Variants in DOCK8 observed in about 807,000 individuals in gnomAD.
DOCK8 encodes dedicator of cytokinesis 8.
DOCK8 carries 141 observed loss-of-function variants against 245.6 expected under a neutral mutation model. That is an observed-to-expected ratio of 0.57 (90% CI 0.50 to 0.66). The LOEUF (loss-of-function observed/expected upper bound fraction) is 0.66. Ranked by LOEUF, DOCK8 falls within the 30% of genes least tolerant of loss-of-function variation. The pLI, the probability that DOCK8 is intolerant of heterozygous loss-of-function variation, is 0.00. For missense variants in DOCK8, 2,965 were observed against 2,603.4 expected, an observed-to-expected ratio of 1.14 and a Z score of -3.02; for synonymous variants, 1,168 against 970.2, an observed-to-expected ratio of 1.20 and a Z score of -3.79.
chr9:308,900 C>G (rs913458542), intron 5 of DOCK8, among the ~76,000 whole-genome samples: 2 of 152,248 alleles, frequency 1.3e-5, no homozygotes, highest in African/African-American at 2.4e-5. Context: ...CTCATGATCC[C>G]CCGGCCTTGG....
At chr9:246,940 C>A (rs956919784) in intron 1 of DOCK8, among the ~76,000 whole-genome samples, 2 of 151,958 alleles carry the variant, frequency 1.3e-5, no homozygotes, top group African/African-American at 4.8e-5. Context: ...TAAATGAGAT[C>A]ATCTGCAAGT....
At chr9:217,798 G>A (rs1033014771) in intron 1 of DOCK8, among the ~76,000 whole-genome samples, 2 of 152,116 alleles carry the variant, frequency 1.3e-5, no homozygotes, top group African/African-American at 4.8e-5. Context: ...ATGAAGTCTT[G>A]TACAGAAGAG....
intron 2 of DOCK8, among the ~76,000 whole-genome samples, chr9:281,787 C>G (rs1020027143): frequency 3.7e-4 from 56 of 152,274 alleles, no homozygotes; most frequent in African/African-American, 1.3e-3. Flanking sequence ...GCTAGGAGGC[C>G]TAGTTAACAG....
rs1294287451 is a variant in DOCK8, at chr9:451,971, ATATATATTTTTTTT to A, written c.5962-38_5962-25del. On this transcript the variant is annotated intron_variant, in intron 45 of 47. Coordinates refer to ENST00000432829, the MANE Select transcript of DOCK8 (RefSeq NM_203447.4). Reference sequence around the variant, plus strand: ...TGTGTGTGTGTATATATATATATATATATATATTTTTTTTTTTTTTTTTTTTTTTTTCCCACCAG... The same window carrying A: ...TGTGTGTGTGTATATATATATATATATTTTTTTTTTTTTTTTTCCCACCAG... 81 of 401,262 alleles carry A rather than the reference ATATATATTTTTTTT, an allele frequency of 2.0e-4. 1 individual carries two copies. Among genetic ancestry groups the A allele is most frequent in the Admixed American group, 1.2e-3 (23 of 19,958 alleles). The allele number at this position is 401,262 out of a possible 1,614,324, so 24.9% of individuals were successfully genotyped here.
chr9:357,854 T>C (rs2052519313), intron 14 of DOCK8, among the ~76,000 whole-genome samples: 1 of 152,234 alleles, frequency 6.6e-6, no homozygotes, highest in African/African-American at 2.4e-5. Flanking sequence ...TGCTCTGATT[T>C]CTGAAGACAG....
At position 464,548 on chromosome 9, in the gene DOCK8, G is replaced by T; in HGVS notation, c.*329G>T. 1 of 413,338 alleles carries T rather than the reference G, an allele frequency of 2.4e-6. No individual in the cohort carries two copies. Among genetic ancestry groups the T allele is most frequent in the Non-Finnish European group, 4.5e-6 (1 of 223,008 alleles). 25.6% of individuals were successfully genotyped at this position (413,338 alleles called of 1,614,324 possible). A position where few individuals can be genotyped will look rare whatever the true frequency, so the allele number is the denominator to read the frequency against. ...GCCAATCACTGCCCATCTGAGAGATGATTTCCTCTGGCCCATATTTGAATT... is the reference window on the plus strand; with the variant it reads ...GCCAATCACTGCCCATCTGAGAGATTATTTCCTCTGGCCCATATTTGAATT... On this transcript the variant is annotated 3_prime_UTR_variant, in exon 48 of 48. Transcript: ENST00000432829.
intron 1 of DOCK8, among the ~76,000 whole-genome samples, chr9:239,831 A>T (rs1006618555): frequency 6.6e-6 from 1 of 152,208 alleles, no homozygotes; most frequent in Non-Finnish European, 1.5e-5. Flanking sequence ...TATTTAAAAA[A>T]TATCATGAAC....
At chr9:223,783 T>C (rs1587611985) in intron 1 of DOCK8, among the ~76,000 whole-genome samples, 1 of 152,012 alleles carries the variant, frequency 6.6e-6, no homozygotes, top group African/African-American at 2.4e-5. Context: ...TTTTTTTAAT[T>C]AAAAAAGAGA....
At chr9:317,246 G>C in intron 7 of DOCK8, 118 bp downstream of exon 7, 1 of 823,414 alleles carries the variant, frequency 1.2e-6, no homozygotes. Flanking sequence ...ACGTCTAACA[G>C]TGGGCAGCTG....
At chr9:220,760 G>A (rs576319890) in intron 1 of DOCK8, 30 of 358,798 alleles carry the variant, frequency 8.4e-5, no homozygotes, top group East Asian at 2.2e-4. Flanking sequence ...ATGCTCTGTC[G>A]CCCAGGCTGG....
intron 28 of DOCK8, among the ~76,000 whole-genome samples, chr9:411,398 A>T (rs147208810): frequency 0.02 from 2,963 of 148,368 alleles, 102 homozygotes; most frequent in African/African-American, 0.071. Context: ...GGGCAACAAG[A>T]GCAAAACTCC....
In DOCK8 at chr9:428,441, A is replaced by C; in HGVS notation, c.4418A>C (p.Gln1473Pro). The C allele has an allele frequency of 5.6e-6, 9 of 1,614,232 alleles. No individual in the cohort carries two copies. Among genetic ancestry groups the C allele is most frequent in the Non-Finnish European group, 7.6e-6 (9 of 1,180,036 alleles). The change falls in exon 35 of 48, where the codon CAG becomes CCG. Residue 1473 changes from glutamine (Q) to proline (P), a missense_variant. Gln to Pro is a moderately conservative substitution (Grantham distance 76, BLOSUM62 -1). Transcript: ENST00000432829. ...CTGGTGAATTCTCTGAACTGTGATC[A>C]GAGTACCACCTACCTGACTCACTGC... ...RVLVNSLNCD[Q>P]STTYLTHCFA...
At chr9:214,522 G>C (rs1346668008), upstream of DOCK8, 1 of 1,612,874 alleles carries the variant, frequency 6.2e-7, no homozygotes, top group South Asian at 1.1e-5. Context: ...CGAATCCCTG[G>C]GGTGATTCCC....
In DOCK8 at chr9:399,217, T is replaced by C; in HGVS notation, c.3192T>C (p.Asp1064=). The C allele has an allele frequency of 6.2e-7, 1 of 1,613,950 alleles. No homozygotes were observed. The highest frequency in any genetic ancestry group is 8.5e-7 in the Non-Finnish European group (1 of 1,179,976). The part of the protein sequence containing the change: ...FFLYDLLSLM[D]RGFVFNLIRH... ...TGTATGACCTTCTCTCCCTCATGGA[T>C]CGGGGCTTTGTGTTTAACCTCATCA... Residue 1064 remains aspartate, a synonymous_variant, in exon 26 of 48, where the codon GAT becomes GAC. Coordinates refer to ENST00000432829, the MANE Select transcript of DOCK8 (RefSeq NM_203447.4).
rs1420622946 is a variant in DOCK8, at chr9:455,937, T to C, written c.6068+3820T>C. ...TCCATTCATTCAGCAGTTATTGAGCTCCTACTTTGTGCCAGGCACTGTGCT... is the reference window on the plus strand; with the variant it reads ...TCCATTCATTCAGCAGTTATTGAGCCCCTACTTTGTGCCAGGCACTGTGCT... On this transcript the variant is annotated intron_variant, in intron 46 of 47. Coordinates refer to ENST00000432829, the MANE Select transcript of DOCK8 (RefSeq NM_203447.4). Among the ~76,000 whole-genome samples, 5 of 152,146 alleles carry C rather than the reference T, an allele frequency of 3.3e-5. No homozygotes were observed. The East Asian group carries it at 9.6e-4, about 29-fold the overall frequency.
At position 406,948 on chromosome 9, in the gene DOCK8, A is replaced by G; in HGVS notation, c.3409A>G (p.Ser1137Gly). 1 of 1,614,080 alleles carries G rather than the reference A, an allele frequency of 6.2e-7. No homozygotes were observed. Reference protein sequence around the residue: ...ISSQNSSSCSSFQDQKIASMF... With the variant: ...ISSQNSSSCSGFQDQKIASMF... ...TCTGTAGAACTCAAGCTCCTGCTCC[A>G]GCTTCCAGGACCAGAAGATCGCCAG... The change falls in exon 28 of 48, where the codon AGC (serine) becomes GGC (glycine). Residue 1137 changes from serine to glycine, a missense_variant. By Grantham distance (56) the Ser-to-Gly change is moderately conservative. This residue lies in a region of DOCK8 where 2,825 missense variants were observed against 2,453.5 expected (regional missense o/e 1.15). Coordinates refer to ENST00000432829, the MANE Select transcript of DOCK8 (RefSeq NM_203447.4).
At chr9:307,329 GTTTTTTTT>G (rs2049882548) in intron 5 of DOCK8, among the ~76,000 whole-genome samples, 2 of 75,144 alleles carry the variant, frequency 2.7e-5, no homozygotes, top group South Asian at 5.4e-4. Flanking sequence ...GTTGTGTGTG[GTTTTTTTT>G]GTTTTTTTTT....
chr9:361,106 G>A (rs534598466), intron 14 of DOCK8, among the ~76,000 whole-genome samples: 1 of 152,260 alleles, frequency 6.6e-6, no homozygotes, highest in East Asian at 1.9e-4. Flanking sequence ...AGTTGAGGCT[G>A]CAGTAAGCTG....
intron 26 of DOCK8, among the ~76,000 whole-genome samples, chr9:401,494 T>C (rs576945421): frequency 6.6e-5 from 10 of 152,256 alleles, no homozygotes; most frequent in Non-Finnish European, 1.3e-4. Context: ...TGTAGCAGCT[T>C]AGGGCCCTGT....
Sources: allele counts gnomAD v4.1 joint callset (sites outside exome capture counted in the v4.1 genomes callset), GRCh38; gene constraint gnomAD v4.1.1; regional missense constraint gnomAD v4.1.1; transcripts MANE v1.5; gene names NCBI Gene and HGNC (gene_info 2026-07-23, HGNC 2026-07-21).